The following LRRC8C variants were observed in gnomAD, a reference collection of about 807,000 sequenced individuals.
LRRC8C encodes leucine rich repeat containing 8 VRAC subunit C.
In LRRC8C, 20 loss-of-function variants were observed where a neutral mutation model predicts 55.3. The observed-to-expected ratio is 0.36, with a 90% CI of 0.25 to 0.53. The LOEUF is 0.53. LRRC8C is among the 20% of genes least tolerant of loss of function. The probability of loss-of-function intolerance (pLI) is 0.92; values close to 1 mark genes in which losing one functional copy is unlikely to be tolerated. For missense variants in LRRC8C, 659 were observed against 951.4 expected (o/e 0.69, Z 4.04); for synonymous variants, 376 against 360.7 (o/e 1.04, Z -0.48).
At chr1:89,673,222 C>A (rs939893990) in intron 1 of LRRC8C, among the ~76,000 whole-genome samples, 2 of 152,208 alleles carry the variant, frequency 1.3e-5, no homozygotes, top group Admixed American at 1.3e-4. Context: ...AATTTAACAA[C>A]TTTTGAGCCA....
At chr1:89,640,329 C>T (rs1006883179) in intron 1 of LRRC8C, among the ~76,000 whole-genome samples, 5 of 152,230 alleles carry the variant, frequency 3.3e-5, no homozygotes, top group Admixed American at 6.5e-5. Flanking sequence ...TCCCAAAGTG[C>T]TGGGATTACA....
chr1:89,682,778 A>G (rs1389062193), intron 1 of LRRC8C, among the ~76,000 whole-genome samples: 1 of 152,228 alleles, frequency 6.6e-6, no homozygotes, highest in Non-Finnish European at 1.5e-5. Flanking sequence ...TGTTTTATTA[A>G]TACACTATGT....
At chr1:89,625,317 G>A in the LRRC8C span, 23 of 152,156 alleles carry the variant, frequency 1.5e-4, no homozygotes, top group African/African-American at 5.3e-4. Flanking sequence ...GAGGACTGAG[G>A]ATGTAAAGAT....
chr1:89,617,962 C>A, the LRRC8C span, among the ~76,000 whole-genome samples: 1 of 152,224 alleles, frequency 6.6e-6, no homozygotes, highest in African/African-American at 2.4e-5. Flanking sequence ...CACACACTCT[C>A]TTGGTATAAC....
rs535544036 is a variant in LRRC8C at position 89,675,720 on chromosome 1, C to A, written c.-4-10750C>A. The stretch of plus-strand genomic sequence containing the variant: ...TGAGAGTTCAAGGAGAAACACACAG[C>A]CTTTTCAAGGGTTTAGAATCCGATT... On this transcript the variant is annotated intron_variant, in intron 1 of 2. Transcript: ENST00000370454. 3.3e-5 allele frequency among the ~76,000 whole-genome samples: 5 copies of A among 152,196 alleles called. No individual in the cohort carries two copies. In the South Asian group the frequency reaches 1.0e-3, roughly 32 times the overall value.
intron 1 of LRRC8C, among the ~76,000 whole-genome samples, chr1:89,680,738 T>C (rs1224250585): frequency 6.6e-6 from 1 of 151,924 alleles, no homozygotes; most frequent in Non-Finnish European, 1.5e-5. Flanking sequence ...GTTTTGTATT[T>C]TTAGTAGAGA....
Position 89,691,480 on chromosome 1 carries a change from A to G in LRRC8C, c.138+4869A>G, listed in dbSNP as rs553907401. Among the ~76,000 whole-genome samples the G allele has an allele frequency of 9.8e-5, 15 of 152,316 alleles. 1 individual carries two copies. In the South Asian group the frequency reaches 2.3e-3, roughly 23 times the overall value. ...GGTCAGGGATATTAAACATCCTGCA[A>G]TCGGTGGGACATTCCCACACAGCAG... On this transcript the variant is annotated intron_variant, in intron 2 of 2. Transcript: ENST00000370454.
In LRRC8C at chr1:89,717,830, C is replaced by T. The variant is rs941583807; in HGVS notation, c.*2848C>T. 1 of 152,162 alleles carries T rather than the reference C, an allele frequency of 6.6e-6. No homozygotes were observed. The highest frequency in any genetic ancestry group is 1.5e-5 in the Non-Finnish European group (1 of 68,008). The allele number at this position is 152,162 out of a possible 1,614,324, so 9.4% of individuals were successfully genotyped here. The stretch of plus-strand genomic sequence containing the variant: ...AAGTGCTCTTTCTAAAAAGGAATAA[C>T]TATTATAGCTCTATTTCCCCAATCT... On this transcript the variant is annotated 3_prime_UTR_variant, in exon 3 of 3. Coordinates refer to ENST00000370454, the MANE Select transcript of LRRC8C (RefSeq NM_032270.5).
rs577215313 is a variant in LRRC8C at position 89,641,951 on chromosome 1, A to G, written c.-5+8629A>G. On this transcript the variant is annotated intron_variant, in intron 1 of 2. Coordinates refer to ENST00000370454, the MANE Select transcript of LRRC8C (RefSeq NM_032270.5). ...TTTAAACGATCTTTTTATGTGATCA[A>G]GGCATTCGCTGCCATATGATATTGC... Among the ~76,000 whole-genome samples, 9 of 152,350 alleles carry G rather than the reference A, an allele frequency of 5.9e-5. No homozygotes were observed. The South Asian group carries it at 6.2e-4, about 11-fold the overall frequency.
At chr1:89,649,634 G>T (rs1028384832) in intron 1 of LRRC8C, among the ~76,000 whole-genome samples, 5 of 152,060 alleles carry the variant, frequency 3.3e-5, no homozygotes, top group Non-Finnish European at 5.9e-5. Context: ...TTTCTCTCTG[G>T]AAGGAAGTAA....
chr1:89,705,737 G>A (rs527617252), intron 2 of LRRC8C, among the ~76,000 whole-genome samples: 2 of 152,028 alleles, frequency 1.3e-5, no homozygotes, highest in East Asian at 1.9e-4. Flanking sequence ...CCAAGATCAC[G>A]CCACTGCACC....
chr1:89,653,319 T>C (rs1007569074), intron 1 of LRRC8C, among the ~76,000 whole-genome samples: 1 of 152,228 alleles, frequency 6.6e-6, no homozygotes, highest in Non-Finnish European at 1.5e-5. Flanking sequence ...TTTGAAATTA[T>C]ATTTTCCAAA....
chr1:89,672,639 C>G (rs1327513752), intron 1 of LRRC8C, among the ~76,000 whole-genome samples: 1 of 152,104 alleles, frequency 6.6e-6, no homozygotes, highest in Non-Finnish European at 1.5e-5. Flanking sequence ...CATTAAGATC[C>G]TAGAACTTTC....
the LRRC8C span, among the ~76,000 whole-genome samples, chr1:89,616,543 C>T: frequency 6.6e-6 from 1 of 152,200 alleles, no homozygotes; most frequent in Non-Finnish European, 1.5e-5. Context: ...ATTGTCTTGA[C>T]AGTGAAAATC....
chr1:89,687,502 C>G (rs947328060), intron 2 of LRRC8C, among the ~76,000 whole-genome samples: 2 of 152,096 alleles, frequency 1.3e-5, no homozygotes, highest in Non-Finnish European at 2.9e-5. Flanking sequence ...AGAGCTGAAG[C>G]CATGCTTGCA....
intron 1 of LRRC8C, among the ~76,000 whole-genome samples, chr1:89,654,874 C>CTT (rs3068067): frequency 0.51 from 66,107 of 129,268 alleles, 18,102 homozygotes; most frequent in East Asian, 0.78. Context: ...TTTAGTAAGC[C>CTT]TTTTTTTTTT....
At chr1:89,692,568 C>T (rs1462037165) in intron 2 of LRRC8C, among the ~76,000 whole-genome samples, 2 of 152,188 alleles carry the variant, frequency 1.3e-5, no homozygotes, top group South Asian at 2.1e-4. Context: ...TTTTGCCTTA[C>T]TTGTCTGACA....
rs145860021 is a variant in LRRC8C at position 89,697,157 on chromosome 1, G to A, written c.138+10546G>A. ...CACTATCTATTCCTTCATGTAGATT[G>A]GACCACAACCTGGCAGTTGATATCA... On this transcript the variant is annotated intron_variant, in intron 2 of 2. Transcript: ENST00000370454. Among the ~76,000 whole-genome samples the A allele has an allele frequency of 2.9e-3, 442 of 152,194 alleles. 2 individuals carry two copies. Among genetic ancestry groups the A allele is most frequent in the Non-Finnish European group, 4.3e-3 (292 of 68,004 alleles).
At chr1:89,681,061 A>T (rs1657694418) in intron 1 of LRRC8C, among the ~76,000 whole-genome samples, 1 of 152,244 alleles carries the variant, frequency 6.6e-6, no homozygotes, top group South Asian at 2.1e-4. Context: ...TGGAGGAAAT[A>T]TAAAATAGAA....
Sources: allele counts gnomAD v4.1 joint callset (sites outside exome capture counted in the v4.1 genomes callset), GRCh38; gene constraint gnomAD v4.1.1; transcripts MANE v1.5; gene names NCBI Gene and HGNC (gene_info 2026-07-23, HGNC 2026-07-21).